The following MYH15 variants were observed in gnomAD, a reference collection of about 807,000 sequenced individuals.
The protein encoded by MYH15 is myosin heavy chain 15.
Under a neutral mutation model 240.5 loss-of-function variants are expected in MYH15, and 227 were observed. The ratio of observed to expected loss-of-function variants is 0.94; its 90% CI spans 0.85 to 1.05. MYH15 has a LOEUF of 1.05. Among genes scored for constraint, MYH15 ranks in the 50% least tolerant of loss-of-function variants. The pLI is 0.00. For missense variants in MYH15, 2,217 were observed against 2,247.5 expected (o/e 0.99, Z 0.27); for synonymous variants, 785 against 796.7 (o/e 0.99, Z 0.25).
rs962322078 is a variant in MYH15, at chr3:108,428,557, T to C, written c.3637A>G (p.Lys1213Glu). ...TCTACTTCTAGCTGCAAGTCACTCTTGTCTTTTTCCAGTTTCTGCTTGACC... is the reference window on the plus strand; with the variant it reads ...TCTACTTCTAGCTGCAAGTCACTCTCGTCTTTTTCCAGTTTCTGCTTGACC... ...QQVKQKLEKD[K>E]SDLQLEVDDL... Residue 1213 changes from lysine to glutamate, a missense_variant, in exon 27 of 41, where the codon AAG becomes GAG. Lys to Glu is a moderately conservative substitution (Grantham distance 56). Coordinates refer to ENST00000693548, the MANE Select transcript of MYH15 (RefSeq NM_014981.3). The C allele has an allele frequency of 1.1e-5, 18 of 1,614,102 alleles. No individual in the cohort carries two copies. Among genetic ancestry groups the C allele is most frequent in the Non-Finnish European group, 1.5e-5 (18 of 1,180,034 alleles).
chr3:108,405,273 T>G, intron 33 of MYH15, 65 bp downstream of exon 33: 1 of 905,706 alleles, frequency 1.1e-6, no homozygotes, highest in Non-Finnish European at 1.6e-6. Context: ...CCAGACATAA[T>G]GAGCTCTGTT....
chr3:108,472,347 A>G (rs376647338), intron 12 of MYH15, among the ~76,000 whole-genome samples: 36 of 152,250 alleles, frequency 2.4e-4, no homozygotes, highest in African/African-American at 7.9e-4. Context: ...TTTAAAATAG[A>G]CCTATCACAT....
intron 15 of MYH15, among the ~76,000 whole-genome samples, chr3:108,464,066 G>A (rs888674159): frequency 1.3e-5 from 2 of 152,050 alleles, no homozygotes; most frequent in Admixed American, 6.6e-5. Flanking sequence ...TGTACAGCTG[G>A]CAGGCCATTT....
chr3:108,520,619 G>A (rs571451106), intron 1 of MYH15, among the ~76,000 whole-genome samples: 14 of 152,142 alleles, frequency 9.2e-5, no homozygotes, highest in East Asian at 5.8e-4. Flanking sequence ...ACCAAAATCC[G>A]CAGACTAATT....
At chr3:108,518,465 A>G (rs2083591106) in intron 1 of MYH15, among the ~76,000 whole-genome samples, 1 of 152,250 alleles carries the variant, frequency 6.6e-6, no homozygotes, top group Non-Finnish European at 1.5e-5. Context: ...CAGCCAATCC[A>G]GAATGAGGCC....
At chr3:108,411,764 T>C (rs893014793) in intron 30 of MYH15, among the ~76,000 whole-genome samples, 1 of 152,216 alleles carries the variant, frequency 6.6e-6, no homozygotes, top group African/African-American at 2.4e-5. Flanking sequence ...TTTTCTCATC[T>C]ACTGCTATTA....
intron 27 of MYH15, among the ~76,000 whole-genome samples, chr3:108,425,613 A>G (rs1270065545): frequency 6.6e-6 from 1 of 152,212 alleles, no homozygotes; most frequent in Non-Finnish European, 1.5e-5. Context: ...TTATAAAAAG[A>G]AACCAGGTGC....
chr3:108,505,081 T>A (rs370874539), intron 2 of MYH15, among the ~76,000 whole-genome samples: 1 of 152,292 alleles, frequency 6.6e-6, no homozygotes, highest in East Asian at 1.9e-4. Context: ...AAACACAGCT[T>A]GCTTCGTGGT....
the MYH15 span, chr3:108,543,373 A>C: frequency 6.6e-6 from 1 of 152,230 alleles, no homozygotes; most frequent in Non-Finnish European, 1.5e-5. Flanking sequence ...ATACTAAAGA[A>C]CTTCTCCTTG....
At chr3:108,504,908 T>C (rs1363872689) in intron 2 of MYH15, among the ~76,000 whole-genome samples, 1 of 152,196 alleles carries the variant, frequency 6.6e-6, no homozygotes, top group Non-Finnish European at 1.5e-5. Context: ...TAACCTTTTC[T>C]TACAAAGGTC....
chr3:108,386,926 A>AT (rs1321573428), intron 38 of MYH15, among the ~76,000 whole-genome samples: 2 of 152,140 alleles, frequency 1.3e-5, no homozygotes, highest in Non-Finnish European at 2.9e-5. Flanking sequence ...CAGAGGAACT[A>AT]TCTTGACCTT....
At chr3:108,397,557 C>T (rs543562056) in intron 35 of MYH15, among the ~76,000 whole-genome samples, 1 of 152,296 alleles carries the variant, frequency 6.6e-6, no homozygotes, top group South Asian at 2.1e-4. Flanking sequence ...GTGTCTATAC[C>T]ATCCATACCA....
At position 108,455,806 on chromosome 3, in the gene MYH15, C is replaced by A; in HGVS notation, c.2192G>T (p.Arg731Ile). ...GCCAAGTAATTCTTCAGCTGCTTTT[C>A]TGCTGCTCACAAACTTGCTCTTTGG... The part of the protein sequence containing the change: ...TFPKSKFVSS[R>I]KAAEELLGSL... Residue 731 changes from arginine to isoleucine, a missense_variant, in exon 20 of 41, where the codon AGA becomes ATA. Coordinates refer to ENST00000693548, the MANE Select transcript of MYH15 (RefSeq NM_014981.3). 4.3e-6 allele frequency: 7 copies of A among 1,613,232 alleles called. No homozygotes were observed. The highest frequency in any genetic ancestry group is 5.9e-6 in the Non-Finnish European group (7 of 1,179,254).
the MYH15 span, among the ~76,000 whole-genome samples, chr3:108,536,812 GC>G: frequency 6.6e-6 from 1 of 152,174 alleles, no homozygotes; most frequent in Admixed American, 6.5e-5. Context: ...TTTATCACTT[GC>G]CCCTCCTGGA....
chr3:108,478,274 A>C (rs1004427126), intron 11 of MYH15, among the ~76,000 whole-genome samples: 2 of 152,192 alleles, frequency 1.3e-5, no homozygotes, highest in African/African-American at 2.4e-5. Flanking sequence ...TATAAACTAA[A>C]ATCAATATAT....
rs760486327 is a variant in MYH15, at chr3:108,428,712, G to A, written c.3482C>T (p.Thr1161Ile). The change falls in exon 27 of 41, where the codon ACC (threonine) becomes ATC (isoleucine). Residue 1161 changes from threonine to isoleucine, a missense_variant. Thr to Ile is a moderately conservative substitution (Grantham distance 89). Transcript: ENST00000693548. ...GTCTCGGTGCAGCTTCTGGAATTTGGTTTCCTGTTTCTTAGTTATTTCCAG... is the reference window on the plus strand; with the variant it reads ...GTCTCGGTGCAGCTTCTGGAATTTGATTTCCTGTTTCTTAGTTATTTCCAG... Reference protein sequence around the residue: ...AQLEITKKQETKFQKLHRDME... With the variant: ...AQLEITKKQEIKFQKLHRDME... 1.6e-5 allele frequency: 26 copies of A among 1,613,604 alleles called. No homozygotes were observed. The highest frequency in any genetic ancestry group is 2.1e-5 in the Non-Finnish European group (25 of 1,179,904).
intron 4 of MYH15, 34 bp from the exon 5 acceptor site, chr3:108,499,516 A>G (rs1013315615): frequency 6.3e-7 from 1 of 1,597,682 alleles, no homozygotes. Flanking sequence ...GAATATTCTT[A>G]TATTCGATAT....
Position 108,416,860 on chromosome 3 carries a change from G to C in MYH15, c.3900C>G (p.Phe1300Leu). Residue 1300 changes from phenylalanine to leucine, a missense_variant, in exon 29 of 41, where the codon TTC (phenylalanine) becomes TTG (leucine). Transcript: ENST00000693548. Reference protein sequence around the residue: ...INQLSREKSNFTRQIEDLRGQ... With the variant: ...INQLSREKSNLTRQIEDLRGQ... ...CTCTCAGGTCTTCAATCTGCCGAGT[G>C]AAGTTGCTCTTTTCCCTGGAAAGTT... 2 of 1,614,088 alleles carry C rather than the reference G, an allele frequency of 1.2e-6. No homozygotes were observed. The highest frequency in any genetic ancestry group is 1.7e-6 in the Non-Finnish European group (2 of 1,179,970).
chr3:108,442,126 C>T (rs1406071691), intron 22 of MYH15, among the ~76,000 whole-genome samples: 1 of 152,120 alleles, frequency 6.6e-6, no homozygotes, highest in Admixed American at 6.5e-5. Context: ...ACATTTTCAC[C>T]TTCCATCTCG....
Sources: gnomAD v4.1 joint callset for allele counts (sites outside exome capture counted in the v4.1 genomes callset) on GRCh38, gnomAD v4.1.1 for gene constraint, MANE v1.5 for transcripts, NCBI Gene and HGNC (gene_info 2026-07-23, HGNC 2026-07-21) for gene names.